Variants in CHD2 observed in about 807,000 individuals in gnomAD.
The protein encoded by CHD2 is ATP-dependent chromatin remodeler CHD2.
A neutral mutation model predicts 243.9 loss-of-function variants in CHD2; 28 were observed. That is an observed-to-expected ratio of 0.11 (90% CI 0.09 to 0.16). The LOEUF (loss-of-function observed/expected upper bound fraction) is 0.16, where lower values mean the gene tolerates loss of function less well. Among genes scored for constraint, CHD2 ranks in the 10% least tolerant of loss-of-function variants. The pLI, the probability that CHD2 is intolerant of heterozygous loss-of-function variation, is 1.00. For synonymous variants in CHD2, 775 were observed against 779.0 expected, an observed-to-expected ratio of 0.99 and a Z score of 0.09; for missense variants, 1,386 against 2,209.8, an observed-to-expected ratio of 0.63 and a Z score of 7.47.
chr15:92,974,822 A>G, intron 19 of CHD2, 57 bp from the exon 20 acceptor site: 2 of 1,519,196 alleles, frequency 1.3e-6, no homozygotes, highest in Non-Finnish European at 1.8e-6. Context: ...CTGCTGTTCT[A>G]TTCTGAGTGT....
rs913628444 is a variant in CHD2 at position 92,931,583 on chromosome 15, C to CT, written c.443+2493dup. On this transcript the variant is annotated intron_variant, in intron 5 of 38. Coordinates refer to ENST00000394196, the MANE Select transcript of CHD2 (RefSeq NM_001271.4). The stretch of plus-strand genomic sequence containing the variant: ...GACATAGAGGTCTCACTACGTTGCC[C>CT]TGGCTGTTCTCAAACTCCTGGCCTC... Among the ~76,000 whole-genome samples the CT allele has an allele frequency of 3.4e-4, 51 of 152,090 alleles. 2 individuals are homozygous for CT. The highest frequency in any genetic ancestry group is 1.2e-3 in the African/African-American group (48 of 41,470).
intron 32 of CHD2, among the ~76,000 whole-genome samples, chr15:93,000,861 T>C (rs904666038): frequency 3.3e-5 from 5 of 152,104 alleles, no homozygotes; most frequent in African/African-American, 1.2e-4. Context: ...ACATTTTTGT[T>C]GTTGTTGTTT....
intron 13 of CHD2, chr15:92,949,343 TC>T (rs2053520470): frequency 6.7e-6 from 5 of 745,666 alleles, no homozygotes; most frequent in Non-Finnish European, 9.2e-6. Context: ...ACCTGTATCA[TC>T]ATATGTTACT....
intron 38 of CHD2, among the ~76,000 whole-genome samples, chr15:93,022,803 C>G (rs1403784654): frequency 6.6e-6 from 1 of 152,202 alleles, no homozygotes; most frequent in African/African-American, 2.4e-5. Context: ...GAGGGACTAT[C>G]TCATGATAGT....
Position 93,026,978 on chromosome 15 carries a change from G to C in CHD2, c.*2273G>C, listed in dbSNP as rs770926849. 6.6e-6 allele frequency: 1 copy of C among 152,624 alleles called. No homozygotes were observed. Among genetic ancestry groups the C allele is most frequent in the African/African-American group, 2.4e-5 (1 of 41,434 alleles). The allele number at this position is 152,624 out of a possible 1,614,324, so 9.5% of individuals were successfully genotyped here. A position where few individuals can be genotyped will look rare whatever the true frequency, so the allele number is the denominator to read the frequency against. ...GAGTTATGCCCAGAGATGTCTTATC[G>C]TGAGGAAAAAGAAACTTCCTTTTGT... On this transcript the variant is annotated 3_prime_UTR_variant, in exon 39 of 39. Transcript: ENST00000394196.
At chr15:92,904,519 C>CT (rs35703517) in intron 2 of CHD2, 24 of 996,006 alleles carry the variant, frequency 2.4e-5, no homozygotes, top group Non-Finnish European at 2.9e-5. Context: ...CTAGTTGGGA[C>CT]TTTCCGGTGG....
At chr15:92,978,016 A>G (rs2053932144) in intron 20 of CHD2, 1 of 550,078 alleles carries the variant, frequency 1.8e-6, no homozygotes, top group Admixed American at 2.9e-5. Context: ...ATTAGAGTCT[A>G]CTCTACTCCT....
In CHD2 at chr15:92,905,428, A is replaced by G. The variant is rs117828864; in HGVS notation, c.62+4129A>G. On this transcript the variant is annotated intron_variant, in intron 2 of 38. Transcript: ENST00000394196. ...AGCAAGCAAGAAATTCAGTGGATTT[A>G]TCTACTGTGGACAAAGTTTTTTTCC... Among the ~76,000 whole-genome samples, 8 of 152,340 alleles carry G rather than the reference A, an allele frequency of 5.3e-5. No homozygotes were observed. In the East Asian group the frequency reaches 1.2e-3, roughly 22 times the overall value.
rs1347712003 is a variant in CHD2 at position 93,027,011 on chromosome 15, T to TC, written c.*2306_*2307insC. 1 of 152,612 alleles carries TC rather than the reference T, an allele frequency of 6.6e-6. No homozygotes were observed. The highest frequency in any genetic ancestry group is 1.9e-4 in the East Asian group (1 of 5,196). 9.5% of individuals were successfully genotyped at this position (152,612 alleles called of 1,614,324 possible). ...AAAGAAACTTCCTTTTGTTCACATT[T>TC]AGGACTCTCAGTGCCATATGAAGTA... On this transcript the variant is annotated 3_prime_UTR_variant, in exon 39 of 39. Coordinates refer to ENST00000394196, the MANE Select transcript of CHD2 (RefSeq NM_001271.4).
Position 92,998,477 on chromosome 15 carries a change from T to C in CHD2, c.3886-22T>C. 7 of 1,613,376 alleles carry C rather than the reference T, an allele frequency of 4.3e-6. No homozygotes were observed. Among genetic ancestry groups the C allele is most frequent in the Non-Finnish European group, 5.9e-6 (7 of 1,179,550 alleles). On this transcript the variant is annotated intron_variant, in intron 30 of 38. Coordinates refer to ENST00000394196, the MANE Select transcript of CHD2 (RefSeq NM_001271.4). This position sits in a 1 kb window ranked among gnomAD's most constrained non-coding sequence, Gnocchi z 5.1. Reference sequence around the variant, plus strand: ...CCAGGATGTGGGTGGTGGCGGGTGCTTCTCTTCCTTTCTTGTTGAAGATTC... The same window carrying C: ...CCAGGATGTGGGTGGTGGCGGGTGCCTCTCTTCCTTTCTTGTTGAAGATTC...
intron 7 of CHD2, 141 bp from the exon 8 acceptor site, chr15:92,941,681 C>T: frequency 1.3e-6 from 1 of 762,168 alleles, no homozygotes; most frequent in East Asian, 2.9e-5. Flanking sequence ...AAGCTTTGAG[C>T]CTACTGTAAA....
chr15:92,902,746 C>T (rs2052547325), intron 2 of CHD2: 1 of 152,120 alleles, frequency 6.6e-6, no homozygotes, highest in African/African-American at 2.4e-5. Flanking sequence ...AAATGAGAAC[C>T]TCCAGATATA....
chr15:92,944,195 C>A (rs1260879713), intron 9 of CHD2: 2 of 336,928 alleles, frequency 5.9e-6, no homozygotes, highest in Non-Finnish European at 5.6e-6. Context: ...ACTGGTATAT[C>A]CTTCTATGAG....
At chr15:92,937,110 A>G (rs893986095) in intron 5 of CHD2, among the ~76,000 whole-genome samples, 2 of 152,004 alleles carry the variant, frequency 1.3e-5, no homozygotes, top group African/African-American at 4.8e-5. Context: ...TGAAACTCCC[A>G]CCTTGGCCTC....
rs1567158157 is a variant in CHD2, at chr15:92,998,529, C to A, written c.3916C>A (p.Gln1306Lys). 6.2e-7 allele frequency: 1 copy of A among 1,613,874 alleles called. No individual in the cohort carries two copies. The highest frequency in any genetic ancestry group is 8.5e-7 in the Non-Finnish European group (1 of 1,179,964). ...ILPVETDKKPQGKQLQTRADY... is the reference protein window; with the variant it reads ...ILPVETDKKPKGKQLQTRADY... ...GCCGGTGGAGACAGATAAAAAGCCTCAGGGGAAGCAGCTACAGACCCGAGC... is the reference window on the plus strand; with the variant it reads ...GCCGGTGGAGACAGATAAAAAGCCTAAGGGGAAGCAGCTACAGACCCGAGC... Residue 1306 changes from glutamine (Q) to lysine (K), a missense_variant, in exon 31 of 39, where the codon CAG becomes AAG. Physicochemically the swap from Gln to Lys is moderately conservative, Grantham distance 53. This residue lies in a region of CHD2 where 99 missense variants were observed against 176.9 expected (regional missense o/e 0.56). Transcript: ENST00000394196. The surrounding 1 kb of genome is among the most constrained non-coding windows in gnomAD (Gnocchi z 5.1).
At chr15:93,013,689 C>G (rs750316668) in intron 36 of CHD2, among the ~76,000 whole-genome samples, 2 of 152,090 alleles carry the variant, frequency 1.3e-5, no homozygotes, top group Non-Finnish European at 2.9e-5. Flanking sequence ...AATCCCAGCA[C>G]TTTGGGAGGC....
intron 16 of CHD2, among the ~76,000 whole-genome samples, chr15:92,961,876 CTTTTTTTTTT>C (rs3064790): frequency 4.1e-4 from 32 of 78,642 alleles, no homozygotes; most frequent in East Asian, 1.1e-3. Context: ...TTTTTCTTCT[CTTTTTTTTTT>C]TTTTTTTTTT....
At chr15:92,941,008 A>AATT (rs1567134699) in intron 7 of CHD2, among the ~76,000 whole-genome samples, 5 of 130,620 alleles carry the variant, frequency 3.8e-5, no homozygotes, top group African/African-American at 1.4e-4. Context: ...TATATATATA[A>AATT]TTTTTTTTTT....
chr15:92,969,172 C>G (rs919739116), intron 17 of CHD2, among the ~76,000 whole-genome samples: 1 of 152,186 alleles, frequency 6.6e-6, no homozygotes, highest in Admixed American at 6.5e-5. Context: ...TATGATTTTT[C>G]TGGCAACTCT....
Sources: gnomAD v4.1 joint callset for allele counts (sites outside exome capture counted in the v4.1 genomes callset) on GRCh38, gnomAD v4.1.1 for gene constraint, gnomAD v4.1.1 regional missense constraint, Gnocchi (gnomAD v3.1) non-coding constraint, MANE v1.5 for transcripts, NCBI Gene and HGNC (gene_info 2026-07-23, HGNC 2026-07-21) for gene names.